Variants in ATG4B observed in about 807,000 individuals in gnomAD.
ATG4B encodes the protein autophagy related 4B cysteine peptidase.
ATG4B carries 29 observed loss-of-function variants against 56.6 expected under a neutral mutation model. The observed-to-expected ratio is 0.51, with a 90% CI of 0.38 to 0.70. The LOEUF (loss-of-function observed/expected upper bound fraction) is 0.70. Among genes scored for constraint, ATG4B ranks in the 30% least tolerant of loss-of-function variants. The pLI is 0.00. For missense variants in ATG4B, 461 were observed against 515.5 expected, an observed-to-expected ratio of 0.89 and a Z score of 1.02; for synonymous variants, 224 against 206.1, an observed-to-expected ratio of 1.09 and a Z score of -0.74.
At position 241,639,384 on chromosome 2, in the gene ATG4B, C is replaced by G. The variant is rs548008615; in HGVS notation, c.10+1660C>G. ...GTTACTCCCATTGCCCTGCTCCAGGCTATAGCTCTGGGGCTGGCTCCGTCC... is the reference window on the plus strand; with the variant it reads ...GTTACTCCCATTGCCCTGCTCCAGGGTATAGCTCTGGGGCTGGCTCCGTCC... On this transcript the variant is annotated intron_variant, in intron 1 of 12. Coordinates refer to ENST00000404914, the MANE Select transcript of ATG4B (RefSeq NM_013325.5). Among the ~76,000 whole-genome samples, 6 of 152,376 alleles carry G rather than the reference C, an allele frequency of 3.9e-5. No homozygotes were observed. The South Asian group carries it at 1.0e-3, about 26-fold the overall frequency.
rs1478558007 is a variant in ATG4B, at chr2:241,668,507, C to T, written c.812-33C>T. 5.0e-6 allele frequency: 8 copies of T among 1,597,142 alleles called. No individual in the cohort carries two copies. Among genetic ancestry groups the T allele is most frequent in the Middle Eastern group, 1.7e-4 (1 of 6,052 alleles). ...CTGTCCCTTTCCTCTGCCGGCTCGG[C>T]CACCCACCTGCCCACCTGCCTCATC... is the stretch of plus-strand genomic sequence containing the variant. On this transcript the variant is annotated intron_variant, in intron 9 of 12. Transcript: ENST00000404914. This position sits in a 1 kb window ranked among gnomAD's most constrained non-coding sequence, Gnocchi z 4.2.
chr2:241,647,835 C>A (rs2068109607), intron 1 of ATG4B, among the ~76,000 whole-genome samples: 1 of 151,966 alleles, frequency 6.6e-6, no homozygotes, highest in Non-Finnish European at 1.5e-5. Flanking sequence ...AGGAGTGGGC[C>A]GGATGCTGTG....
At chr2:241,655,210 G>C in intron 5 of ATG4B, 61 bp from the exon 6 acceptor site, 2 of 1,540,244 alleles carry the variant, frequency 1.3e-6, no homozygotes, top group Non-Finnish European at 1.8e-6. Context: ...GGCACCACGT[G>C]CCACCAGAGG....
At chr2:241,652,474 G>A (rs2068253559) in intron 3 of ATG4B, among the ~76,000 whole-genome samples, 1 of 152,216 alleles carries the variant, frequency 6.6e-6, no homozygotes, top group African/African-American at 2.4e-5. Flanking sequence ...CAGTTCTGAA[G>A]GGCAGTGTGC....
At chr2:241,664,041 A>T in intron 7 of ATG4B, among the ~76,000 whole-genome samples, 1 of 151,988 alleles carries the variant, frequency 6.6e-6, no homozygotes, top group East Asian at 1.9e-4. Context: ...GATGGTCTTG[A>T]TCTCCTGACC....
chr2:241,651,884 C>T lies in ATG4B; in HGVS notation c.184+549C>T. 3.8e-6 allele frequency: 5 copies of T among 1,303,404 alleles called. No individual in the cohort carries two copies. Among genetic ancestry groups the T allele is most frequent in the Non-Finnish European group, 5.1e-6 (5 of 988,184 alleles). The allele number at this position is 1,303,404 out of a possible 1,614,324, so 80.7% of individuals were successfully genotyped here. On this transcript the variant is annotated intron_variant, in intron 3 of 12. Transcript: ENST00000404914. The surrounding 1 kb of genome is among the most constrained non-coding windows in gnomAD (Gnocchi z 4.1). The stretch of plus-strand genomic sequence containing the variant: ...ACACTAAGGTGCATTCTGTTAAAAG[C>T]CATTCATCATTGTTGTATACCCTGG...
At chr2:241,671,806 G>T in intron 12 of ATG4B, 1 of 1,274,904 alleles carries the variant, frequency 7.8e-7, no homozygotes, top group South Asian at 1.6e-5. Flanking sequence ...CGCAGGAGCC[G>T]GCCTGGGCTC....
chr2:241,671,497 G>A (rs771488512), intron 12 of ATG4B, 92 bp downstream of exon 12: 6 of 1,561,646 alleles, frequency 3.8e-6, no homozygotes, highest in Non-Finnish European at 4.3e-6. Context: ...TGACCATTAA[G>A]GTGTGTGTGA....
chr2:241,671,962 G>C (rs1418834464), intron 12 of ATG4B: 15 of 1,402,658 alleles, frequency 1.1e-5, no homozygotes, highest in African/African-American at 1.4e-5. Context: ...GCCTGAGATT[G>C]TGCCGGCCGC....
At chr2:241,654,010 AAGAAG>A (rs1288003089) in intron 4 of ATG4B, among the ~76,000 whole-genome samples, 1 of 127,700 alleles carries the variant, frequency 7.8e-6, no homozygotes, top group African/African-American at 2.8e-5. Context: ...AAAAAAAAAA[AAGAAG>A]AAGAAGAATG....
intron 1 of ATG4B, among the ~76,000 whole-genome samples, chr2:241,650,110 G>A (rs1218056176): frequency 6.6e-6 from 1 of 152,130 alleles, no homozygotes; most frequent in Admixed American, 6.5e-5. Flanking sequence ...GTAAAACAGA[G>A]TAAGATGGCA....
intron 1 of ATG4B, among the ~76,000 whole-genome samples, chr2:241,640,608 T>G (rs2067853602): frequency 6.6e-6 from 1 of 152,210 alleles, no homozygotes; most frequent in Non-Finnish European, 1.5e-5. Flanking sequence ...GAGACCAGCA[T>G]TAGCAGCGAA....
intron 1 of ATG4B, among the ~76,000 whole-genome samples, chr2:241,643,589 CAT>C (rs572390017): frequency 6.8e-5 from 10 of 147,730 alleles, no homozygotes; most frequent in East Asian, 2.0e-4. Flanking sequence ...TATATATGTA[CAT>C]ATATATATAA....
intron 8 of ATG4B, 112 bp downstream of exon 8, chr2:241,666,950 G>A (rs2068797597): frequency 7.7e-7 from 1 of 1,305,254 alleles, no homozygotes; most frequent in Non-Finnish European, 1.0e-6. Context: ...GCTCTCGGGG[G>A]AGGGGTAAAC....
intron 1 of ATG4B, among the ~76,000 whole-genome samples, chr2:241,644,684 T>A (rs2068009450): frequency 6.6e-6 from 1 of 152,080 alleles, no homozygotes; most frequent in Non-Finnish European, 1.5e-5. Flanking sequence ...TTGCGGTGGC[T>A]CATGCCTGTA....
intron 8 of ATG4B, chr2:241,667,785 C>T (rs935173021): frequency 1.4e-5 from 3 of 220,256 alleles, no homozygotes; most frequent in African/African-American, 4.6e-5. Flanking sequence ...GTCTCAGCTG[C>T]CCCCACACAT....
chr2:241,652,030 C>G, intron 3 of ATG4B: 1 of 1,229,546 alleles, frequency 8.1e-7, no homozygotes, highest in Non-Finnish European at 1.1e-6. Context: ...TTTGGTCCCT[C>G]TTCTAGGGGT....
At chr2:241,672,047 C>G (rs750653911) in intron 12 of ATG4B, 144 bp from the exon 13 acceptor site, 42 of 1,454,350 alleles carry the variant, frequency 2.9e-5, no homozygotes, top group Non-Finnish European at 3.6e-5. Context: ...GCACAACCCC[C>G]GGACCTGTTC....
chr2:241,650,823 CT>C (rs2125122642), intron 1 of ATG4B, among the ~76,000 whole-genome samples, 186 bp from the exon 2 acceptor site: 1 of 152,208 alleles, frequency 6.6e-6, no homozygotes, highest in Non-Finnish European at 1.5e-5. Context: ...GGGCCTCCTT[CT>C]CTTTCCTAAG....
Sources: allele counts gnomAD v4.1 joint callset (sites outside exome capture counted in the v4.1 genomes callset), GRCh38; gene constraint gnomAD v4.1.1; non-coding constraint Gnocchi (gnomAD v3.1); transcripts MANE v1.5; gene names NCBI Gene and HGNC (gene_info 2026-07-23, HGNC 2026-07-21).